Variants in ITGB5 observed in about 807,000 individuals in gnomAD.
ITGB5 encodes the protein integrin subunit beta 5.
A neutral mutation model predicts 84.8 loss-of-function variants in ITGB5; 38 were observed. The observed-to-expected ratio is 0.45, with a 90% CI of 0.35 to 0.59. The LOEUF (loss-of-function observed/expected upper bound fraction) is 0.59. ITGB5 is among the 20% of genes least tolerant of loss of function. The probability of loss-of-function intolerance (pLI) is 0.01; values close to 1 mark genes in which losing one functional copy is unlikely to be tolerated. For synonymous variants in ITGB5, 393 were observed against 414.4 expected (o/e 0.95, Z 0.63); for missense variants, 905 against 1,034.5 (o/e 0.87, Z 1.72).
At chr3:124,844,426 G>C (rs1056306607) in intron 4 of ITGB5, among the ~76,000 whole-genome samples, 6 of 152,092 alleles carry the variant, frequency 3.9e-5, no homozygotes, top group South Asian at 2.1e-4. Context: ...TGGGCATGGT[G>C]GTGGGCACCT....
intron 7 of ITGB5, among the ~76,000 whole-genome samples, chr3:124,819,534 A>G (rs2064664558): frequency 6.6e-6 from 1 of 152,250 alleles, no homozygotes. Context: ...TCAGAATCAA[A>G]TTAGATACTA....
chr3:124,883,580 A>T (rs1248924218), intron 1 of ITGB5, among the ~76,000 whole-genome samples: 1 of 152,312 alleles, frequency 6.6e-6, no homozygotes, highest in East Asian at 1.9e-4. Flanking sequence ...GACCACAGGA[A>T]ATGTGGTAGG....
rs1191210497 is a variant in ITGB5, at chr3:124,819,932, G to C, written c.943-98C>G. ...CAGTCAGCAGCCAGCATTTGCCAGG[G>C]AAGCACCTTTTCCTTAGGTGGCCCC... On this transcript the variant is annotated intron_variant, in intron 6 of 14. Coordinates refer to ENST00000296181, the MANE Select transcript of ITGB5 (RefSeq NM_002213.5). 4.4e-6 allele frequency: 4 copies of C among 900,500 alleles called. No individual in the cohort carries two copies. In the Admixed American group the frequency reaches 6.8e-5, roughly 15 times the overall value. 55.8% of individuals were successfully genotyped at this position (900,500 alleles called of 1,614,324 possible).
At chr3:124,795,381 C>T (rs1335815650) in intron 10 of ITGB5, among the ~76,000 whole-genome samples, 2 of 151,806 alleles carry the variant, frequency 1.3e-5, no homozygotes, top group Non-Finnish European at 2.9e-5. Flanking sequence ...CCCAGCTACT[C>T]GGGAGTCTGA....
chr3:124,819,966 C>T (rs2064675546), intron 6 of ITGB5, 132 bp from the exon 7 acceptor site: 2 of 727,790 alleles, frequency 2.7e-6, no homozygotes, highest in Admixed American at 3.9e-5. Flanking sequence ...CCTTAGAGTC[C>T]CTTAATAACT....
chr3:124,778,656 A>G (rs1444869978), intron 10 of ITGB5, among the ~76,000 whole-genome samples: 6 of 152,136 alleles, frequency 3.9e-5, no homozygotes, highest in Non-Finnish European at 5.9e-5. Flanking sequence ...ACAGGCGGAG[A>G]TGGGGGACAA....
chr3:124,846,280 T>C (rs2065076439), intron 4 of ITGB5, among the ~76,000 whole-genome samples: 1 of 151,950 alleles, frequency 6.6e-6, no homozygotes, highest in Non-Finnish European at 1.5e-5. Flanking sequence ...GCTCAGGGAT[T>C]TAAGAACAGC....
intron 2 of ITGB5, among the ~76,000 whole-genome samples, chr3:124,869,070 G>T (rs9813129): frequency 0.44 from 67,156 of 151,938 alleles, 15,123 homozygotes; most frequent in East Asian, 0.67. Flanking sequence ...AGTCTTCATG[G>T]GATCTGGAGC....
At position 124,837,017 on chromosome 3, in the gene ITGB5, A is replaced by C. The variant is rs957841800; in HGVS notation, c.780+4366T>G. Among the ~76,000 whole-genome samples the C allele has an allele frequency of 5.9e-5, 9 of 152,350 alleles. No homozygotes were observed. In the East Asian group the frequency reaches 1.7e-3, roughly 29 times the overall value. On this transcript the variant is annotated intron_variant, in intron 5 of 14. Transcript: ENST00000296181. The stretch of plus-strand genomic sequence containing the variant: ...CAAACAGGGAAACGCATTGGGTTGC[A>C]CTGATTTATTTTCTGGCTGACGAAA...
At chr3:124,770,686 T>C (rs1477318528) in intron 11 of ITGB5, among the ~76,000 whole-genome samples, 1 of 152,160 alleles carries the variant, frequency 6.6e-6, no homozygotes, top group Non-Finnish European at 1.5e-5. Context: ...TAAGAGGTTC[T>C]AACATGCTTA....
intron 10 of ITGB5, among the ~76,000 whole-genome samples, chr3:124,776,757 A>C (rs1244669059): frequency 1.3e-5 from 2 of 152,286 alleles, no homozygotes; most frequent in African/African-American, 4.8e-5. Flanking sequence ...CACAGAGGCC[A>C]GGCGGGTGTT....
At chr3:124,798,287 G>A (rs1008941713) in intron 9 of ITGB5, among the ~76,000 whole-genome samples, 10 of 151,804 alleles carry the variant, frequency 6.6e-5, no homozygotes, top group African/African-American at 1.9e-4. Flanking sequence ...TCCTGACCTC[G>A]TGATCTGCCC....
At chr3:124,803,238 C>T (rs2064342790) in intron 9 of ITGB5, among the ~76,000 whole-genome samples, 1 of 152,080 alleles carries the variant, frequency 6.6e-6, no homozygotes. Context: ...GCCATGACAC[C>T]ACTGTATGCT....
chr3:124,801,286 A>C (rs1334730511), intron 9 of ITGB5, among the ~76,000 whole-genome samples: 1 of 152,222 alleles, frequency 6.6e-6, no homozygotes, highest in Admixed American at 6.5e-5. Flanking sequence ...TGGTTGGTGT[A>C]GGATAAAGGG....
In ITGB5 at chr3:124,778,674, G is replaced by A. The variant is rs3772824; in HGVS notation, c.1694-4762C>T. ...GGCGGAGATGGGGGACAAGGAGGATGGGGGATTTTGCAGATGGGATACATT... is the reference window on the plus strand; with the variant it reads ...GGCGGAGATGGGGGACAAGGAGGATAGGGGATTTTGCAGATGGGATACATT... On this transcript the variant is annotated intron_variant, in intron 10 of 14. Coordinates refer to ENST00000296181, the MANE Select transcript of ITGB5 (RefSeq NM_002213.5). Among the ~76,000 whole-genome samples the A allele has an allele frequency of 9.7e-3, 1,471 of 152,286 alleles. 132 individuals carry two copies. The East Asian group carries it at 0.22, about 22-fold the overall frequency.
intron 4 of ITGB5, among the ~76,000 whole-genome samples, chr3:124,842,522 A>G (rs1198967886): frequency 6.6e-6 from 1 of 152,172 alleles, no homozygotes; most frequent in Non-Finnish European, 1.5e-5. Flanking sequence ...GGCAGAAGGG[A>G]GCACAGAGCC....
intron 10 of ITGB5, among the ~76,000 whole-genome samples, chr3:124,778,678 G>T (rs1223390674): frequency 1.3e-5 from 2 of 152,194 alleles, no homozygotes; most frequent in African/African-American, 4.8e-5. Context: ...GAGGATGGGG[G>T]ATTTTGCAGA....
rs1270773659 is a variant in ITGB5 at position 124,859,331 on chromosome 3, C to T, written c.272G>A (p.Ser91Asn). 7.4e-6 allele frequency: 12 copies of T among 1,614,042 alleles called. No homozygotes were observed. In the East Asian group the frequency reaches 2.7e-4, roughly 36 times the overall value. ...SPASSFHVLRSLPLSSKGSGS... is the reference protein window; with the variant it reads ...SPASSFHVLRNLPLSSKGSGS... ...CGAACCCTTGCTGCTGAGGGGCAGG[C>T]TCCTCAGGACATGGAAGCTGCTGGC... The change falls in exon 3 of 15, where the codon AGC becomes AAC. Residue 91 changes from serine to asparagine, a missense_variant. By Grantham distance (46) the Ser-to-Asn change is conservative. Around this residue, in one of 3 missense-constraint regions of ITGB5, gnomAD observed 656 missense variants for 734.7 expected, o/e 0.89. Transcript: ENST00000296181.
At chr3:124,873,631 CCTCT>C in intron 1 of ITGB5, 100 bp from the exon 2 acceptor site, 1 of 896,164 alleles carries the variant, frequency 1.1e-6, no homozygotes, top group Non-Finnish European at 1.9e-6. Flanking sequence ...TAACAGGAGG[CCTCT>C]CTGAGTCTAA....
Sources: gnomAD v4.1 joint callset for allele counts (sites outside exome capture counted in the v4.1 genomes callset) on GRCh38, gnomAD v4.1.1 for gene constraint, gnomAD v4.1.1 regional missense constraint, MANE v1.5 for transcripts, NCBI Gene and HGNC (gene_info 2026-07-23, HGNC 2026-07-21) for gene names.